CNTN4: variants seen among roughly 807,000 people sequenced by gnomAD.
CNTN4 encodes contactin 4, also known as contactin-4.
CNTN4 carries 77 observed loss-of-function variants against 122.5 expected under a neutral mutation model. The observed-to-expected ratio is 0.63, with a 90% confidence interval of 0.52 to 0.76. The LOEUF (loss-of-function observed/expected upper bound fraction) is 0.76, where lower values mean the gene tolerates loss of function less well. CNTN4 is among the 30% of genes least tolerant of loss of function. CNTN4 has a pLI of 0.00. For missense variants in CNTN4, 1,256 were observed against 1,259.1 expected (o/e 1.00, Z 0.04); for synonymous variants, 512 against 447.0 (o/e 1.15, Z -1.83).
intron 3 of CNTN4, among the ~76,000 whole-genome samples, chr3:2,565,186 G>C (rs1403525075): frequency 6.6e-6 from 1 of 152,096 alleles, no homozygotes; most frequent in Non-Finnish European, 1.5e-5. Flanking sequence ...TTGTTTAATA[G>C]ATGTAGCTTC....
Position 2,952,378 on chromosome 3 carries a change from G to A in CNTN4, c.1358+26599G>A, listed in dbSNP as rs75176837. Among the ~76,000 whole-genome samples the A allele has an allele frequency of 5.3e-3, 812 of 152,250 alleles. 7 individuals are homozygous for A. The highest frequency in any genetic ancestry group is 0.018 in the African/African-American group (765 of 41,532). ...TTGCCATCTATGTAGTCTTGAGCAA[G>A]TCACTTAATTTATTGTACTTAAAAT... On this transcript the variant is annotated intron_variant, in intron 13 of 24. Transcript: ENST00000418658.
At chr3:2,254,759 T>C (rs1352700629) in intron 2 of CNTN4, among the ~76,000 whole-genome samples, 1 of 152,196 alleles carries the variant, frequency 6.6e-6, no homozygotes, top group Non-Finnish European at 1.5e-5. Flanking sequence ...TAAATTTCTT[T>C]AAATTCCTTG....
At chr3:2,622,880 G>C (rs930388117) in intron 4 of CNTN4, among the ~76,000 whole-genome samples, 1 of 152,160 alleles carries the variant, frequency 6.6e-6, no homozygotes, top group African/African-American at 2.4e-5. Flanking sequence ...AGCACTCTTA[G>C]GGATTAGATT....
At chr3:2,683,679 G>GT (rs2085284108) in intron 4 of CNTN4, among the ~76,000 whole-genome samples, 1 of 152,068 alleles carries the variant, frequency 6.6e-6, no homozygotes. Flanking sequence ...CAAGAACCCA[G>GT]TAAGGTAATA....
At chr3:2,260,680 A>G (rs966736218) in intron 2 of CNTN4, among the ~76,000 whole-genome samples, 1 of 151,490 alleles carries the variant, frequency 6.6e-6, no homozygotes, top group Non-Finnish European at 1.5e-5. Context: ...AGAACTTCCC[A>G]TTACAGATTT....
chr3:2,415,490 A>T (rs577443966), intron 3 of CNTN4, among the ~76,000 whole-genome samples: 2 of 152,338 alleles, frequency 1.3e-5, no homozygotes, highest in East Asian at 3.9e-4. Flanking sequence ...TTAAAAAGTC[A>T]TAACATTTCC....
intron 6 of CNTN4, among the ~76,000 whole-genome samples, chr3:2,770,389 A>G (rs1284966472): frequency 6.6e-6 from 1 of 152,230 alleles, no homozygotes; most frequent in Non-Finnish European, 1.5e-5. Flanking sequence ...ACCATTTGCT[A>G]TAAGGCAGTA....
chr3:2,842,641 A>G (rs1012248199), intron 7 of CNTN4, among the ~76,000 whole-genome samples: 2 of 152,168 alleles, frequency 1.3e-5, no homozygotes, highest in African/African-American at 2.4e-5. Context: ...ACTTTTCCCC[A>G]GAATTGCACA....
intron 3 of CNTN4, among the ~76,000 whole-genome samples, chr3:2,370,243 G>T (rs1376231748): frequency 2.0e-5 from 3 of 152,068 alleles, no homozygotes; most frequent in African/African-American, 4.8e-5. Context: ...ATCTTTGAAA[G>T]CACTTAATAC....
At chr3:2,959,513 G>A (rs1302682626) in intron 13 of CNTN4, among the ~76,000 whole-genome samples, 3 of 151,958 alleles carry the variant, frequency 2.0e-5, no homozygotes, top group East Asian at 1.9e-4. Flanking sequence ...AAAAATCATT[G>A]AGGAGCTTAC....
chr3:2,108,162 TTTC>T (rs1265038410), intron 2 of CNTN4, among the ~76,000 whole-genome samples: 120 of 129,920 alleles, frequency 9.2e-4, no homozygotes, highest in Non-Finnish European at 1.2e-3. Context: ...TCATGTGCCT[TTTC>T]TTTTTTTTTT....
At chr3:2,359,098 T>C (rs2045002543) in intron 3 of CNTN4, among the ~76,000 whole-genome samples, 2 of 152,194 alleles carry the variant, frequency 1.3e-5, no homozygotes, top group Admixed American at 1.3e-4. Context: ...AAATGAAGTA[T>C]TGTAAATATT....
At chr3:2,458,674 T>A (rs934282853) in intron 3 of CNTN4, among the ~76,000 whole-genome samples, 4 of 152,160 alleles carry the variant, frequency 2.6e-5, no homozygotes, top group Admixed American at 6.6e-5. Flanking sequence ...TGATTTCTTT[T>A]CTTAAGGATA....
chr3:2,517,534 G>T (rs2077074426), intron 3 of CNTN4, among the ~76,000 whole-genome samples: 1 of 151,992 alleles, frequency 6.6e-6, no homozygotes, highest in Non-Finnish European at 1.5e-5. Context: ...CTTACGGTAG[G>T]GCGTAATGCC....
chr3:2,329,964 A>T (rs1222207476), intron 2 of CNTN4, among the ~76,000 whole-genome samples: 1 of 152,092 alleles, frequency 6.6e-6, no homozygotes, highest in African/African-American at 2.4e-5. Flanking sequence ...TTTAATTCCG[A>T]TGCTGTCTAC....
chr3:2,318,526 C>T (rs2043184825), intron 2 of CNTN4, among the ~76,000 whole-genome samples: 2 of 152,142 alleles, frequency 1.3e-5, no homozygotes, highest in African/African-American at 4.8e-5. Flanking sequence ...ATATTACTCT[C>T]CTCCTAACAT....
At chr3:2,565,404 G>A (rs535377497) in intron 3 of CNTN4, among the ~76,000 whole-genome samples, 1 of 152,262 alleles carries the variant, frequency 6.6e-6, no homozygotes, top group South Asian at 2.1e-4. Context: ...CTGGTAGATA[G>A]AGTATAAAGC....
intron 6 of CNTN4, among the ~76,000 whole-genome samples, chr3:2,783,287 C>G (rs889414790): frequency 1.3e-5 from 2 of 151,678 alleles, no homozygotes; most frequent in African/African-American, 4.8e-5. Flanking sequence ...GATTCTGTCT[C>G]GAAAAAATAA....
chr3:2,359,608 A>T (rs1035365719), intron 3 of CNTN4, among the ~76,000 whole-genome samples: 2 of 152,080 alleles, frequency 1.3e-5, no homozygotes, highest in African/African-American at 4.8e-5. Flanking sequence ...GGCAGGATCT[A>T]GGCTCACTGC....
Sources: allele counts gnomAD v4.1 joint callset (sites outside exome capture counted in the v4.1 genomes callset), GRCh38; gene constraint gnomAD v4.1.1; transcripts MANE v1.5; gene names NCBI Gene and HGNC (gene_info 2026-07-23, HGNC 2026-07-21).